The following CLN6 variants were observed in gnomAD, a reference collection of about 807,000 sequenced individuals.
The protein encoded by CLN6 is ceroid-lipofuscinosis neuronal protein 6.
Under a neutral mutation model 33.3 loss-of-function variants are expected in CLN6, and 22 were observed. The ratio of observed to expected loss-of-function variants is 0.66; its 90% CI spans 0.47 to 0.94. The LOEUF (loss-of-function observed/expected upper bound fraction) is 0.94. Among genes scored for constraint, CLN6 ranks in the 40% least tolerant of loss-of-function variants. The probability of loss-of-function intolerance (pLI) is 0.00; values close to 1 mark genes in which losing one functional copy is unlikely to be tolerated. For missense variants in CLN6, 387 were observed against 417.1 expected (o/e 0.93, Z 0.63); for synonymous variants, 201 against 174.6 (o/e 1.15, Z -1.19).
chr15:68,209,602 C>A lies in CLN6; in HGVS notation c.665+35G>T, dbSNP rs772711299. 1.7e-5 allele frequency: 27 copies of A among 1,609,802 alleles called. No individual in the cohort carries two copies. In the Admixed American group the frequency reaches 2.7e-4, roughly 16 times the overall value. ...TTTTGCTGCCGTGGCTCTCTCAGTGCCCCTGCCTCTGCCCCCATGCTGATG... is the reference window on the plus strand; with the variant it reads ...TTTTGCTGCCGTGGCTCTCTCAGTGACCCTGCCTCTGCCCCCATGCTGATG... On this transcript the variant is annotated intron_variant, in intron 6 of 6. Coordinates refer to ENST00000249806, the MANE Select transcript of CLN6 (RefSeq NM_017882.3). The surrounding 1 kb of genome is among the most constrained non-coding windows in gnomAD (Gnocchi z 4.9).
intron 1 of CLN6, among the ~76,000 whole-genome samples, chr15:68,243,580 C>A (rs533733683): frequency 6.6e-6 from 1 of 152,098 alleles, no homozygotes; most frequent in East Asian, 1.9e-4. Flanking sequence ...CATGGTGAAA[C>A]CGCATCTCTA....
chr15:68,231,843 CCT>C (rs1169866891), upstream of CLN6, among the ~76,000 whole-genome samples: 1 of 152,216 alleles, frequency 6.6e-6, no homozygotes, highest in East Asian at 1.9e-4. Flanking sequence ...TTATCAGCCC[CCT>C]CTCTTTCCCA....
intron 1 of CLN6, among the ~76,000 whole-genome samples, chr15:68,237,762 C>T (rs1892234714): frequency 6.6e-6 from 1 of 152,202 alleles, no homozygotes; most frequent in African/African-American, 2.4e-5. Context: ...AAGCTAACTA[C>T]TGGATAAGAA....
At position 68,211,653 on chromosome 15, in the gene CLN6, A is replaced by G; in HGVS notation, c.486+22T>C. 1.2e-6 allele frequency: 2 copies of G among 1,612,724 alleles called. No homozygotes were observed. Among genetic ancestry groups the G allele is most frequent in the Non-Finnish European group, 1.7e-6 (2 of 1,179,978 alleles). On this transcript the variant is annotated intron_variant, in intron 4 of 6. Transcript: ENST00000249806. This position sits in a 1 kb window ranked among gnomAD's most constrained non-coding sequence, Gnocchi z 5.9. Reference sequence around the variant, plus strand: ...GACTGTGCTCCTAGGGCTTACAGGCAGGGAGCAGGAGGTGGCCTCACCAGC... The same window carrying G: ...GACTGTGCTCCTAGGGCTTACAGGCGGGGAGCAGGAGGTGGCCTCACCAGC...
upstream of CLN6, among the ~76,000 whole-genome samples, chr15:68,234,171 T>G (rs550799215): frequency 1.3e-5 from 2 of 152,330 alleles, no homozygotes; most frequent in South Asian, 4.1e-4. This position sits in a 1 kb window ranked among gnomAD's most constrained non-coding sequence, Gnocchi z 4.1. Flanking sequence ...CAACACTGTT[T>G]CCATGTCATC....
chr15:68,242,087 C>A lies in CLN6; in HGVS notation c.179+14603G>T, dbSNP rs1424774721. On this transcript the variant is annotated intron_variant, in intron 1 of 6. Coordinates refer to the CLN6 transcript ENST00000538696. This position sits in a 1 kb window ranked among gnomAD's most constrained non-coding sequence, Gnocchi z 5.0. ...GGAAACCATGGGCACCCCAAACAGA[C>A]AAAGCATGGAACCAGTGATGGCCCT... Among the ~76,000 whole-genome samples, 5 of 152,112 alleles carry A rather than the reference C, an allele frequency of 3.3e-5. No individual in the cohort carries two copies. Among genetic ancestry groups the A allele is most frequent in the Non-Finnish European group, 7.4e-5 (5 of 68,020 alleles).
intron 1 of CLN6, among the ~76,000 whole-genome samples, chr15:68,243,770 A>G (rs1014446859): frequency 3.3e-5 from 5 of 149,730 alleles, no homozygotes; most frequent in Non-Finnish European, 7.4e-5. Context: ...AAAAAAAAAA[A>G]CACAAAAAAA....
At chr15:68,254,591 C>T (rs1892413501) in intron 1 of CLN6, 4 of 574,998 alleles carry the variant, frequency 7.0e-6, no homozygotes, top group Non-Finnish European at 9.3e-6. Flanking sequence ...ATCAAAGCCA[C>T]GCTCCCAGCG....
In CLN6 at chr15:68,209,233, C is replaced by G. The variant is rs116595146; in HGVS notation, c.665+404G>C. 6.6e-6 allele frequency among the ~76,000 whole-genome samples: 1 copy of G among 152,336 alleles called. No homozygotes were observed. Among genetic ancestry groups the G allele is most frequent in the African/African-American group, 2.4e-5 (1 of 41,568 alleles). ...CCCTCTCTGTCCTCAGCATCCTCATCATCTGAGAGGCAGACAGGCAGGTAC... is the reference window on the plus strand; with the variant it reads ...CCCTCTCTGTCCTCAGCATCCTCATGATCTGAGAGGCAGACAGGCAGGTAC... On this transcript the variant is annotated intron_variant, in intron 6 of 6. Coordinates refer to ENST00000249806, the MANE Select transcript of CLN6 (RefSeq NM_017882.3). This position sits in a 1 kb window ranked among gnomAD's most constrained non-coding sequence, Gnocchi z 4.9.
upstream of CLN6, among the ~76,000 whole-genome samples, chr15:68,230,716 A>G (rs533759423): frequency 2.3e-4 from 35 of 152,324 alleles, no homozygotes; most frequent in South Asian, 6.2e-4. The surrounding 1 kb of genome is among the most constrained non-coding windows in gnomAD (Gnocchi z 4.0). Context: ...GCACTGGTGG[A>G]CTAAGTTATT....
chr15:68,213,584 G>A (rs544174683), intron 3 of CLN6: 1 of 151,374 alleles, frequency 6.6e-6, no homozygotes, highest in African/African-American at 2.4e-5. Context: ...TCACCATGTT[G>A]GCCAGGCTCC....
upstream of CLN6, among the ~76,000 whole-genome samples, chr15:68,231,116 A>T (rs536159792): frequency 1.3e-5 from 2 of 151,370 alleles, no homozygotes; most frequent in South Asian, 4.2e-4. Flanking sequence ...TTCTTGGGAG[A>T]TGTTTATTGG....
chr15:68,220,829 TTC>T lies in CLN6; in HGVS notation c.84-2181_84-2180del, dbSNP rs1386164466. 1.3e-5 allele frequency among the ~76,000 whole-genome samples: 2 copies of T among 152,016 alleles called. No homozygotes were observed. The highest frequency in any genetic ancestry group is 6.6e-5 in the Admixed American group (1 of 15,252). ...GACCTGTGCTCTTAATAGCTTGCTATTCTGTTTTTTTGTTTTGTTTTTTGGAG... is the reference window on the plus strand; with the variant it reads ...GACCTGTGCTCTTAATAGCTTGCTATTGTTTTTTTGTTTTGTTTTTTGGAG... On this transcript the variant is annotated intron_variant, in intron 1 of 6. Coordinates refer to ENST00000249806, the MANE Select transcript of CLN6 (RefSeq NM_017882.3). This position sits in a 1 kb window ranked among gnomAD's most constrained non-coding sequence, Gnocchi z 4.2.
Position 68,211,432 on chromosome 15 carries a change from A to T in CLN6, c.487-114T>A. 6.5e-7 allele frequency: 1 copy of T among 1,533,618 alleles called. No homozygotes were observed. The highest frequency in any genetic ancestry group is 9.0e-7 in the Non-Finnish European group (1 of 1,112,374). ...CTTCTCCCAGTCCCAGGCCTCCCCC[A>T]CTGCCTTATTCCCTACCCGGGGCCT... On this transcript the variant is annotated intron_variant, in intron 4 of 6. Transcript: ENST00000249806. This position sits in a 1 kb window ranked among gnomAD's most constrained non-coding sequence, Gnocchi z 5.9.
At chr15:68,245,955 G>A (rs934011430) in intron 1 of CLN6, among the ~76,000 whole-genome samples, 2 of 152,128 alleles carry the variant, frequency 1.3e-5, no homozygotes, top group Admixed American at 1.3e-4. Flanking sequence ...GTCAAAGACT[G>A]TAAAAAGTGA....
At chr15:68,218,348 C>T in intron 2 of CLN6, 188 bp downstream of exon 2, 1 of 548,204 alleles carries the variant, frequency 1.8e-6, no homozygotes. Flanking sequence ...CTCTTCAGGC[C>T]CCCCACTTGC....
At chr15:68,232,416 C>G (rs536681418), upstream of CLN6, among the ~76,000 whole-genome samples, 2 of 152,282 alleles carry the variant, frequency 1.3e-5, no homozygotes, top group South Asian at 4.1e-4. This position sits in a 1 kb window ranked among gnomAD's most constrained non-coding sequence, Gnocchi z 4.7. Flanking sequence ...CTTAGTCTCT[C>G]AAAGTGCTGG....
intron 1 of CLN6, chr15:68,248,270 G>C (rs1892345615): frequency 6.6e-6 from 1 of 152,134 alleles, no homozygotes; most frequent in African/African-American, 2.4e-5. Flanking sequence ...CTGTGAAAAT[G>C]AAATAACCAT....
At position 68,217,684 on chromosome 15, in the gene CLN6, T is replaced by A. The variant is rs78970207; in HGVS notation, c.198+852A>T. On this transcript the variant is annotated intron_variant, in intron 2 of 6. Transcript: ENST00000249806. ...AGTAAACTGAGAGTATAGGCCTGGA[T>A]GCCTTCATATCTTTTGGCTCTATGA... 3.7e-4 allele frequency among the ~76,000 whole-genome samples: 57 copies of A among 152,304 alleles called. No individual in the cohort carries two copies. The East Asian group carries it at 8.7e-3, about 23-fold the overall frequency.
Sources: allele counts gnomAD v4.1 joint callset (sites outside exome capture counted in the v4.1 genomes callset), GRCh38; gene constraint gnomAD v4.1.1; non-coding constraint Gnocchi (gnomAD v3.1); transcripts MANE v1.5; gene names NCBI Gene and HGNC (gene_info 2026-07-23, HGNC 2026-07-21).